Variants in TSHR observed in about 807,000 individuals in gnomAD.
The protein encoded by TSHR is thyroid stimulating hormone receptor.
Under a neutral mutation model 64.1 loss-of-function variants are expected in TSHR, and 51 were observed. That is an observed-to-expected ratio of 0.80 (90% CI 0.64 to 1.01). The LOEUF is 1.01. TSHR is among the 50% of genes least tolerant of loss of function. TSHR has a pLI of 0.00. For missense variants in TSHR, 877 were observed against 942.8 expected (o/e 0.93, Z 0.91); for synonymous variants, 361 against 361.9 (o/e 1.00, Z 0.03).
chr14:81,043,168 G>C (rs1885005025), intron 1 of TSHR, among the ~76,000 whole-genome samples: 1 of 152,124 alleles, frequency 6.6e-6, no homozygotes, highest in South Asian at 2.1e-4. Context: ...TAGATAACAT[G>C]ATCCTATATC....
chr14:81,092,548 C>T lies in TSHR; in HGVS notation c.485C>T (p.Pro162Leu), dbSNP rs779349574. ...IFFILEITDNPYMTSIPVNAF... is the reference protein window; with the variant it reads ...IFFILEITDNLYMTSIPVNAF... The stretch of plus-strand genomic sequence containing the variant: ...TCTTGCAGTGAAATTACAGACAACC[C>T]TTACATGACGTCAATCCCTGTGAAT... The change falls in exon 6 of 10, where the codon CCT (proline) becomes CTT (leucine). Residue 162 changes from proline (P) to leucine (L), a missense_variant. Transcript: ENST00000298171. The T allele has an allele frequency of 4.3e-6, 7 of 1,614,086 alleles. No individual in the cohort carries two copies. The highest frequency in any genetic ancestry group is 1.1e-5 in the South Asian group (1 of 91,084).
intron 1 of TSHR, among the ~76,000 whole-genome samples, chr14:81,027,180 AG>A (rs1439784125): frequency 6.6e-6 from 1 of 152,160 alleles, no homozygotes; most frequent in African/African-American, 2.4e-5. Flanking sequence ...AAAAAATTGT[AG>A]ATCGAGAACA....
intron 2 of TSHR, among the ~76,000 whole-genome samples, chr14:81,067,926 A>AATATATATATATATATATATATATAT (rs1566790843): frequency 2.4e-5 from 1 of 41,354 alleles, no homozygotes; most frequent in African/African-American, 2.1e-4. Context: ...ACAGGGTGAC[A>AATATATATATATATATATATATATAT]CTATATATAT....
chr14:80,956,905 T>C (rs1470702728), intron 1 of TSHR, among the ~76,000 whole-genome samples: 3 of 152,218 alleles, frequency 2.0e-5, no homozygotes, highest in Non-Finnish European at 4.4e-5. Flanking sequence ...TCATTCTCCA[T>C]GCTGCCACCA....
chr14:81,036,890 C>G (rs2139834428), intron 1 of TSHR, among the ~76,000 whole-genome samples: 1 of 152,210 alleles, frequency 6.6e-6, no homozygotes, highest in South Asian at 2.1e-4. Flanking sequence ...TGCCTGTAAT[C>G]CCAACACTTT....
chr14:81,106,601 G>A (rs1014837552), intron 7 of TSHR, among the ~76,000 whole-genome samples: 3 of 152,122 alleles, frequency 2.0e-5, no homozygotes, highest in Non-Finnish European at 2.9e-5. Flanking sequence ...AGTGTATGGA[G>A]GCAAAATGGT....
intron 1 of TSHR, among the ~76,000 whole-genome samples, chr14:80,966,424 G>T (rs981278901): frequency 2.0e-5 from 3 of 152,082 alleles, no homozygotes; most frequent in Non-Finnish European, 4.4e-5. Flanking sequence ...ACTACCTCTA[G>T]ATAGGTGGCA....
intron 1 of TSHR, among the ~76,000 whole-genome samples, chr14:81,019,333 C>CAAA (rs3038181): frequency 0.016 from 1,808 of 115,762 alleles, 49 homozygotes; most frequent in African/African-American, 0.049. Flanking sequence ...GACTTTATCT[C>CAAA]AAAAAAAAAA....
At chr14:81,083,158 C>A (rs1286669401) in intron 3 of TSHR, among the ~76,000 whole-genome samples, 1 of 152,176 alleles carries the variant, frequency 6.6e-6, no homozygotes, top group Non-Finnish European at 1.5e-5. Context: ...GGTGTGGACT[C>A]AGGGACTGAG....
At position 81,079,761 on chromosome 14, in the gene TSHR, C is replaced by G. The variant is rs111688226; in HGVS notation, c.318-8193C>G. 2.0e-3 allele frequency among the ~76,000 whole-genome samples: 296 copies of G among 150,418 alleles called. 1 individual carries two copies. The highest frequency in any genetic ancestry group is 6.6e-3 in the African/African-American group (270 of 40,930). On this transcript the variant is annotated intron_variant, in intron 3 of 9. Transcript: ENST00000298171. ...GTCCCAGCTTCTCAGGAAGTTGAGG[C>G]GGGAGGATCACTTGAGCCTACAAGG...
At chr14:81,077,777 C>T (rs1887606204) in intron 3 of TSHR, among the ~76,000 whole-genome samples, 1 of 151,998 alleles carries the variant, frequency 6.6e-6, no homozygotes, top group African/African-American at 2.4e-5. Flanking sequence ...TCCTTGTCTT[C>T]TTTTGGATTA....
intron 2 of TSHR, among the ~76,000 whole-genome samples, chr14:81,065,286 T>G (rs894947206): frequency 2.0e-5 from 3 of 152,184 alleles, no homozygotes; most frequent in Non-Finnish European, 4.4e-5. Context: ...TTTACTTAGC[T>G]GTCTCAGTTG....
chr14:80,991,715 G>C, intron 1 of TSHR: 1 of 395,222 alleles, frequency 2.5e-6, no homozygotes, highest in Non-Finnish European at 4.5e-6. Context: ...GCCTAGGGAA[G>C]TTCTGCTCAT....
intron 3 of TSHR, among the ~76,000 whole-genome samples, chr14:81,074,976 G>A (rs1887389389): frequency 6.6e-6 from 1 of 152,218 alleles, no homozygotes; most frequent in South Asian, 2.1e-4. Context: ...ATGAATTAGA[G>A]TATTAGAACA....
In TSHR at chr14:81,090,048, C is replaced by CA. The variant is rs57476888; in HGVS notation, c.393-1008dup. Among the ~76,000 whole-genome samples the CA allele has an allele frequency of 9.9e-3, 1,350 of 136,788 alleles. 15 individuals are homozygous for CA. The highest frequency in any genetic ancestry group is 0.02 in the African/African-American group (738 of 37,718). The allele number at this position is 136,788 out of a possible 152,430, so 89.7% of individuals were successfully genotyped here. A position where few individuals can be genotyped will look rare whatever the true frequency, so the allele number is the denominator to read the frequency against. Reference sequence around the variant, plus strand: ...CTCACTCTATGCTATGCCAAATTCTCAAAAAAAAAAAAATTCTAATTACAT... The same window carrying CA: ...CTCACTCTATGCTATGCCAAATTCTCAAAAAAAAAAAAAATTCTAATTACAT... On this transcript the variant is annotated intron_variant, in intron 4 of 9. Transcript: ENST00000298171.
intron 1 of TSHR, chr14:80,983,730 G>A: frequency 2.3e-6 from 1 of 432,516 alleles, no homozygotes; most frequent in Non-Finnish European, 4.2e-6. Context: ...TGGTTATTAT[G>A]GTGTACAAGT....
intron 1 of TSHR, among the ~76,000 whole-genome samples, chr14:80,956,412 C>A (rs766938286): frequency 2.6e-5 from 4 of 152,138 alleles, no homozygotes; most frequent in Non-Finnish European, 4.4e-5. Context: ...TGAAATAGTA[C>A]GTCCAGAACC....
intron 1 of TSHR, among the ~76,000 whole-genome samples, chr14:80,978,139 G>C (rs890845451): frequency 6.7e-6 from 1 of 148,474 alleles, no homozygotes; most frequent in South Asian, 2.1e-4. Context: ...ACATGCATGT[G>C]CACTTTTCTA....
intron 1 of TSHR, among the ~76,000 whole-genome samples, chr14:80,956,872 A>G (rs1886721588): frequency 6.6e-6 from 1 of 152,208 alleles, no homozygotes; most frequent in South Asian, 2.1e-4. Context: ...AATTAGTTCA[A>G]TAACCTCCAA....
Sources: gnomAD v4.1 joint callset for allele counts (sites outside exome capture counted in the v4.1 genomes callset) on GRCh38, gnomAD v4.1.1 for gene constraint, MANE v1.5 for transcripts, NCBI Gene and HGNC (gene_info 2026-07-23, HGNC 2026-07-21) for gene names.